Variants in SLC25A53 observed in about 807,000 individuals in gnomAD.
The protein encoded by SLC25A53 is solute carrier family 25 member 53, also known as mitochondrial carrier triple repeat protein 6.
Under a neutral mutation model 15.0 loss-of-function variants are expected in SLC25A53, and 5 were observed. That is an observed-to-expected ratio of 0.33 (90% CI 0.17 to 0.70). The LOEUF (loss-of-function observed/expected upper bound fraction) is 0.70, where lower values mean the gene tolerates loss of function less well. SLC25A53 is among the 30% of genes least tolerant of loss of function. SLC25A53 has a pLI of 0.67. For synonymous variants in SLC25A53, 95 were observed against 100.0 expected, an observed-to-expected ratio of 0.95 and a Z score of 0.30; for missense variants, 216 against 241.6, an observed-to-expected ratio of 0.89 and a Z score of 0.70.
At chrX:104,114,913 A>G (rs782410106) in intron 1 of SLC25A53, 2 of 1,201,759 alleles carry the variant, frequency 1.7e-6, no homozygotes, top group South Asian at 3.6e-5. Context: ...CGTGATAGAA[A>G]TAGATGATAC....
chrX:104,108,155 C>A (rs1556356946), intron 1 of SLC25A53, among the ~76,000 whole-genome samples: 1 of 111,439 alleles, frequency 9.0e-6, no homozygotes, highest in African/African-American at 3.3e-5. Context: ...GTGTTTCTCC[C>A]ATGTATTTTC....
intron 1 of SLC25A53, among the ~76,000 whole-genome samples, chrX:104,151,007 A>G (rs2075483252): frequency 8.9e-6 from 1 of 111,918 alleles, no homozygotes; most frequent in Non-Finnish European, 1.9e-5. Flanking sequence ...TCTAGCTTTC[A>G]GTCAGACTTT....
intron 1 of SLC25A53, among the ~76,000 whole-genome samples, chrX:104,150,548 A>C (rs980833399): frequency 1.8e-5 from 2 of 112,129 alleles, no homozygotes; most frequent in Non-Finnish European, 3.8e-5. Flanking sequence ...CCACCTCATA[A>C]CTGTATCTGA....
intron 1 of SLC25A53, among the ~76,000 whole-genome samples, chrX:104,151,310 G>A (rs1198490184): frequency 9.0e-6 from 1 of 111,460 alleles, no homozygotes; most frequent in Non-Finnish European, 1.9e-5. Flanking sequence ...GGTAGGCATA[G>A]GACATCTCAG....
chrX:104,139,746 G>A (rs782150988), intron 1 of SLC25A53, among the ~76,000 whole-genome samples: 73 of 112,065 alleles, frequency 6.5e-4, no homozygotes, highest in African/African-American at 2.2e-3. Context: ...CCCAGGAGGC[G>A]GAGGTTGCAG....
intron 1 of SLC25A53, among the ~76,000 whole-genome samples, chrX:104,149,933 G>A (rs2075479923): frequency 9.0e-6 from 1 of 111,382 alleles, no homozygotes; most frequent in African/African-American, 3.3e-5. Flanking sequence ...CCTAAGCTCT[G>A]TTAGATAGTA....
chrX:104,144,645 T>A (rs1213710588), intron 1 of SLC25A53, among the ~76,000 whole-genome samples: 1 of 111,611 alleles, frequency 9.0e-6, no homozygotes, highest in Non-Finnish European at 1.9e-5. Context: ...CTGACGAGCC[T>A]TTGGGGAAGT....
intron 1 of SLC25A53, among the ~76,000 whole-genome samples, chrX:104,152,253 G>T (rs2075487030): frequency 1.2e-5 from 1 of 83,671 alleles, no homozygotes; most frequent in Non-Finnish European, 2.2e-5. Flanking sequence ...ACAGGCTCTG[G>T]TGTGTGATGT....
At chrX:104,152,475 C>T (rs1467111468) in intron 1 of SLC25A53, among the ~76,000 whole-genome samples, 1 of 110,356 alleles carries the variant, frequency 9.1e-6, no homozygotes, top group Non-Finnish European at 1.9e-5. Flanking sequence ...TTCGCTCTTG[C>T]CGCCCAGGCT....
chrX:104,113,055 G>T (rs1361371098), intron 1 of SLC25A53: 2 of 92,403 alleles, frequency 2.2e-5, no homozygotes, highest in Non-Finnish European at 4.3e-5. Context: ...CGGGGGCGGG[G>T]TGTGTTCGGG....
At chrX:104,127,070 A>G (rs2075412858) in intron 1 of SLC25A53, among the ~76,000 whole-genome samples, 1 of 112,380 alleles carries the variant, frequency 8.9e-6, no homozygotes, top group South Asian at 3.7e-4. Context: ...CAGCAACTTT[A>G]TCTGTAATTG....
At chrX:104,124,214 G>A (rs1377301569) in intron 1 of SLC25A53, among the ~76,000 whole-genome samples, 2 of 111,485 alleles carry the variant, frequency 1.8e-5, no homozygotes. Flanking sequence ...CCACAGCCTC[G>A]CCAGCATGTG....
At chrX:104,114,405 G>T in intron 1 of SLC25A53, 1 of 1,212,189 alleles carries the variant, frequency 8.2e-7, no homozygotes, top group East Asian at 3.0e-5. Flanking sequence ...GGGAGGTCAT[G>T]CGTTTGCTTC....
chrX:104,118,628 T>A (rs1192893114), intron 1 of SLC25A53, among the ~76,000 whole-genome samples: 3 of 112,612 alleles, frequency 2.7e-5, no homozygotes, highest in Non-Finnish European at 3.8e-5. Context: ...ATATTTCAGA[T>A]GATGAAACAG....
intron 1 of SLC25A53, among the ~76,000 whole-genome samples, chrX:104,139,136 C>G (rs1367542759): frequency 8.8e-6 from 1 of 113,000 alleles, no homozygotes; most frequent in Non-Finnish European, 1.9e-5. Context: ...CTTCCCAGTA[C>G]TTCCCTTTCC....
At chrX:104,155,147 C>T (rs1053536090) in intron 1 of SLC25A53, among the ~76,000 whole-genome samples, 5 of 110,497 alleles carry the variant, frequency 4.5e-5, no homozygotes, top group Admixed American at 3.9e-4. Context: ...GCCTAGCCTT[C>T]CCTAGGGGAG....
intron 1 of SLC25A53, among the ~76,000 whole-genome samples, chrX:104,143,271 A>G (rs1454426945): frequency 8.9e-6 from 1 of 111,819 alleles, no homozygotes; most frequent in African/African-American, 3.3e-5. Context: ...TGACAGAAGT[A>G]GGCTTCAGAA....
chrX:104,105,944 T>C (rs2075307065), intron 1 of SLC25A53, among the ~76,000 whole-genome samples: 1 of 112,025 alleles, frequency 8.9e-6, no homozygotes, highest in African/African-American at 3.2e-5. Context: ...CCTGTAGCTA[T>C]ATAATAGAGC....
At chrX:104,130,732 T>C (rs189475558) in intron 1 of SLC25A53, 1 of 110,722 alleles carries the variant, frequency 9.0e-6, no homozygotes, top group Admixed American at 9.6e-5. Context: ...CTCTTCCCCA[T>C]CAGCATATGC....
Sources: allele counts gnomAD v4.1 joint callset (sites outside exome capture counted in the v4.1 genomes callset), GRCh38; gene constraint gnomAD v4.1.1; transcripts MANE v1.5; gene names NCBI Gene and HGNC (gene_info 2026-07-23, HGNC 2026-07-21).